The following CABCOCO1 variants were observed in gnomAD, a reference collection of about 807,000 sequenced individuals.
CABCOCO1 encodes ciliary associated calcium binding coiled-coil 1.
Under a neutral mutation model 35.7 loss-of-function variants are expected in CABCOCO1, and 28 were observed. The observed-to-expected ratio is 0.78, with a 90% CI of 0.58 to 1.07. CABCOCO1 has a LOEUF of 1.07. CABCOCO1 is among the 50% of genes least tolerant of loss of function. The probability of loss-of-function intolerance (pLI) is 0.00; values close to 1 mark genes in which losing one functional copy is unlikely to be tolerated. For missense variants in CABCOCO1, 326 were observed against 309.2 expected, an observed-to-expected ratio of 1.05 and a Z score of -0.41; for synonymous variants, 95 against 100.1, an observed-to-expected ratio of 0.95 and a Z score of 0.30.
intron 5 of CABCOCO1, among the ~76,000 whole-genome samples, chr10:61,758,950 C>A (rs1016753526): frequency 2.0e-5 from 3 of 151,866 alleles, no homozygotes; most frequent in East Asian, 3.9e-4. Context: ...TGACATGTAA[C>A]ATATTTATTT....
Position 61,716,829 on chromosome 10 carries a change from T to C in CABCOCO1, c.552+26208T>C, listed in dbSNP as rs72823806. 6.1e-3 allele frequency among the ~76,000 whole-genome samples: 933 copies of C among 152,216 alleles called. 8 individuals are homozygous for C. The highest frequency in any genetic ancestry group is 7.7e-3 in the Non-Finnish European group (521 of 68,000). On this transcript the variant is annotated intron_variant, in intron 5 of 7. Coordinates refer to ENST00000648843, the MANE Select transcript of CABCOCO1 (RefSeq NM_001366906.2). ...TTGATAAACATTTAATAAGTGAAGA[T>C]TGTAATAAAATCCAAACTTTCTAAT...
At chr10:61,728,257 T>A (rs1186292359) in intron 5 of CABCOCO1, among the ~76,000 whole-genome samples, 1 of 152,236 alleles carries the variant, frequency 6.6e-6, no homozygotes, top group African/African-American at 2.4e-5. Context: ...CTTAAATATA[T>A]AAAGTTAGTT....
rs200962387 is a variant in CABCOCO1, at chr10:61,760,055, T to A, written c.553-4T>A. The A allele has an allele frequency of 3.1e-6, 5 of 1,612,336 alleles. No individual in the cohort carries two copies. The Admixed American group carries it at 8.4e-5, about 27-fold the overall frequency. Reference sequence around the variant, plus strand: ...TCATAATTCAACTTTTTTCTTCCCATCAGCAAGTGATAGAGGTTGTCAAGT... The same window carrying A: ...TCATAATTCAACTTTTTTCTTCCCAACAGCAAGTGATAGAGGTTGTCAAGT... On this transcript the variant is annotated splice_polypyrimidine_tract_variant and splice_region_variant and intron_variant, in intron 5 of 7. Coordinates refer to ENST00000648843, the MANE Select transcript of CABCOCO1 (RefSeq NM_001366906.2).
intron 5 of CABCOCO1, among the ~76,000 whole-genome samples, chr10:61,719,748 C>T (rs761230754): frequency 2.6e-5 from 4 of 151,762 alleles, no homozygotes; most frequent in Non-Finnish European, 5.9e-5. Flanking sequence ...GGTGAAACCC[C>T]GTCTCTAACA....
At chr10:61,680,476 T>TTA (rs1355530185) in intron 2 of CABCOCO1, among the ~76,000 whole-genome samples, 1 of 124,738 alleles carries the variant, frequency 8.0e-6, no homozygotes, top group South Asian at 2.3e-4. Flanking sequence ...TAATATATAT[T>TTA]TATATATATA....
At chr10:61,680,640 A>G (rs137902328) in intron 2 of CABCOCO1, among the ~76,000 whole-genome samples, 2,746 of 27,214 alleles carry the variant, frequency 0.1, 299 homozygotes, top group East Asian at 0.16. Context: ...TGTTATACAT[A>G]TATAATATAT....
intron 2 of CABCOCO1, among the ~76,000 whole-genome samples, chr10:61,674,566 G>T (rs909678668): frequency 7.2e-5 from 11 of 152,060 alleles, no homozygotes; most frequent in Admixed American, 5.9e-4. Flanking sequence ...ATAAATGGGG[G>T]TTATATGCTT....
chr10:61,663,981 C>T (rs923914187), intron 1 of CABCOCO1, among the ~76,000 whole-genome samples: 2 of 152,062 alleles, frequency 1.3e-5, no homozygotes, highest in Admixed American at 1.3e-4. Context: ...AAACGACATT[C>T]TTTGTGCAGA....
At chr10:61,676,496 C>T (rs1018921858) in intron 2 of CABCOCO1, among the ~76,000 whole-genome samples, 4 of 152,020 alleles carry the variant, frequency 2.6e-5, no homozygotes, top group African/African-American at 9.7e-5. Flanking sequence ...TGAATTGAAG[C>T]AGATGACCCC....
chr10:61,712,215 T>C (rs1840748377), intron 5 of CABCOCO1, among the ~76,000 whole-genome samples: 2 of 152,224 alleles, frequency 1.3e-5, no homozygotes, highest in African/African-American at 4.8e-5. Context: ...TGGTGTCAGA[T>C]GGTTTCTCAT....
intron 1 of CABCOCO1, among the ~76,000 whole-genome samples, chr10:61,664,937 A>G (rs540190429): frequency 6.6e-6 from 1 of 152,342 alleles, no homozygotes; most frequent in South Asian, 2.1e-4. Flanking sequence ...ATTCTTTACA[A>G]TGTTGATCCC....
intron 2 of CABCOCO1, among the ~76,000 whole-genome samples, chr10:61,680,442 A>ATGTT (rs1839687871): frequency 1.6e-5 from 1 of 62,202 alleles, no homozygotes. Flanking sequence ...TAACATATAT[A>ATGTT]ATATATTTTA....
intron 5 of CABCOCO1, among the ~76,000 whole-genome samples, chr10:61,755,741 A>G (rs2132086524): frequency 6.6e-6 from 1 of 152,182 alleles, no homozygotes; most frequent in South Asian, 2.1e-4. Context: ...ACAAATCACT[A>G]TACTTTCTCC....
In CABCOCO1 at chr10:61,743,545, A is replaced by C. The variant is rs188695281; in HGVS notation, c.553-16514A>C. Reference sequence around the variant, plus strand: ...AATCAGCCGGTCATTTGTCCCATTTAATGGATGGAAAACCCAAGGCTTGTA... The same window carrying C: ...AATCAGCCGGTCATTTGTCCCATTTCATGGATGGAAAACCCAAGGCTTGTA... On this transcript the variant is annotated intron_variant, in intron 5 of 7. Coordinates refer to ENST00000648843, the MANE Select transcript of CABCOCO1 (RefSeq NM_001366906.2). Among the ~76,000 whole-genome samples the C allele has an allele frequency of 4.8e-3, 730 of 152,244 alleles. 3 individuals carry two copies. The highest frequency in any genetic ancestry group is 8.4e-3 in the Non-Finnish European group (572 of 68,016).
At chr10:61,684,809 G>A (rs961381713) in intron 3 of CABCOCO1, 1 of 152,346 alleles carries the variant, frequency 6.6e-6, no homozygotes, top group African/African-American at 2.4e-5. Flanking sequence ...TCCAGGGGAA[G>A]GGTGGATAGT....
rs756415400 is a variant in CABCOCO1, at chr10:61,686,047, A to G, written c.341A>G (p.His114Arg). The change falls in exon 4 of 8, where the codon CAT (histidine) becomes CGT (arginine). Residue 114 changes from histidine to arginine, a missense_variant. By Grantham distance (29) the His-to-Arg change is conservative (BLOSUM62 0). Coordinates refer to ENST00000648843, the MANE Select transcript of CABCOCO1 (RefSeq NM_001366906.2). The part of the protein sequence containing the change: ...AMSLQNLKTL[H>R]MSLEESIKWL... ...TCTCTGGATTTTATTTCAGCACTAC[A>G]TATGTCCTTAGAGGAAAGCATAAAA... 6 of 1,600,428 alleles carry G rather than the reference A, an allele frequency of 3.7e-6. No homozygotes were observed. Among genetic ancestry groups the G allele is most frequent in the South Asian group, 2.3e-5 (2 of 87,514 alleles).
chr10:61,681,024 G>A, intron 2 of CABCOCO1, 119 bp from the exon 3 acceptor site: 1 of 501,202 alleles, frequency 2.0e-6, no homozygotes, highest in Non-Finnish European at 3.0e-6. Flanking sequence ...GAAGCTTGAT[G>A]TAACTGAATA....
At chr10:61,728,431 C>T (rs926967943) in intron 5 of CABCOCO1, among the ~76,000 whole-genome samples, 1 of 152,054 alleles carries the variant, frequency 6.6e-6, no homozygotes, top group Non-Finnish European at 1.5e-5. Flanking sequence ...TCACCCAGCC[C>T]CTGCAGATCT....
intron 5 of CABCOCO1, among the ~76,000 whole-genome samples, chr10:61,724,625 G>C (rs1212625669): frequency 6.6e-6 from 1 of 152,146 alleles, no homozygotes; most frequent in South Asian, 2.1e-4. Context: ...AGATGGGAAG[G>C]CCTTTGAAAA....
Sources: allele counts gnomAD v4.1 joint callset (sites outside exome capture counted in the v4.1 genomes callset), GRCh38; gene constraint gnomAD v4.1.1; transcripts MANE v1.5; gene names NCBI Gene and HGNC (gene_info 2026-07-23, HGNC 2026-07-21).